ARID3C: variants seen among roughly 807,000 people sequenced by gnomAD.
ARID3C encodes the protein AT-rich interactive domain-containing protein 3C.
In ARID3C, 42 loss-of-function variants were observed where a neutral mutation model predicts 37.9. That is an observed-to-expected ratio of 1.11 (90% CI 0.87 to 1.43). The LOEUF (loss-of-function observed/expected upper bound fraction) is 1.43. Among genes scored for constraint, ARID3C ranks in the 40% most tolerant of loss-of-function variants. ARID3C has a pLI of 0.00. For missense variants in ARID3C, 581 were observed against 548.8 expected, an observed-to-expected ratio of 1.06 and a Z score of -0.59; for synonymous variants, 213 against 228.0, an observed-to-expected ratio of 0.93 and a Z score of 0.59.
upstream of ARID3C, among the ~76,000 whole-genome samples, chr9:34,631,273 C>T (rs1820721125): frequency 6.6e-6 from 1 of 152,156 alleles, no homozygotes; most frequent in South Asian, 2.1e-4. Context: ...GCAGTCACTC[C>T]CCCAGCTCCC....
At chr9:34,623,320 T>C in intron 4 of ARID3C, 105 bp downstream of exon 5, 1 of 1,347,300 alleles carries the variant, frequency 7.4e-7, no homozygotes, top group Non-Finnish European at 9.8e-7. Flanking sequence ...CTCCCATACC[T>C]CAATGCCTCC....
exon 1 of ARID3C, chr9:34,627,827 C>A: frequency 3.1e-6 from 5 of 1,611,748 alleles, no homozygotes; most frequent in East Asian, 2.2e-5. Flanking sequence ...GGCTTCCTCC[C>A]GCTTCTCCTC....
At chr9:34,626,530 G>A (rs760986138) in intron 1 of ARID3C, among the ~76,000 whole-genome samples, 4 of 152,116 alleles carry the variant, frequency 2.6e-5, no homozygotes, top group East Asian at 1.9e-4. Flanking sequence ...ATCAACTCCC[G>A]AATACTAGTC....
upstream of ARID3C, among the ~76,000 whole-genome samples, chr9:34,630,115 G>A (rs1211869763): frequency 1.3e-5 from 2 of 152,148 alleles, no homozygotes; most frequent in Non-Finnish European, 2.9e-5. Context: ...ATGAACCTCT[G>A]GTACTCATCA....
At chr9:34,631,958 A>C (rs1452811635), upstream of ARID3C, among the ~76,000 whole-genome samples, 1 of 152,194 alleles carries the variant, frequency 6.6e-6, no homozygotes, top group Non-Finnish European at 1.5e-5. Context: ...TCAACATGGC[A>C]GTTGGTTTCC....
chr9:34,621,535 G>A (rs773984068), exon 7 of ARID3C: 2 of 1,570,104 alleles, frequency 1.3e-6, no homozygotes, highest in Non-Finnish European at 8.6e-7. Flanking sequence ...GCTGGCACAG[G>A]CTGGCGGCGG....
intron 3 of ARID3C, 22 bp downstream of exon 4, chr9:34,623,842 C>A: frequency 6.7e-7 from 1 of 1,485,806 alleles, no homozygotes; most frequent in Non-Finnish European, 9.0e-7. Context: ...CCCTTCCCTT[C>A]CGCTCCCGCC....
chr9:34,622,552 T>C, intron 4 of ARID3C, 23 bp from the exon 6 acceptor site: 1 of 1,560,366 alleles, frequency 6.4e-7, no homozygotes, highest in African/African-American at 1.4e-5. Context: ...GTTATTCAGC[T>C]CCCCTGGCCA....
intron 1 of ARID3C, 116 bp from the exon 3 acceptor site, chr9:34,625,930 A>C: frequency 6.1e-6 from 7 of 1,154,138 alleles, no homozygotes; most frequent in South Asian, 1.4e-5. Flanking sequence ...GTAGGATCTC[A>C]ATGTGGACTC....
At chr9:34,626,301 C>A (rs1364336719) in intron 1 of ARID3C, among the ~76,000 whole-genome samples, 1 of 152,164 alleles carries the variant, frequency 6.6e-6, no homozygotes, top group African/African-American at 2.4e-5. Flanking sequence ...GCTCCTAACC[C>A]ACCCCTCAGG....
chr9:34,622,483 C>A, exon 5 of ARID3C: 1 of 1,612,688 alleles, frequency 6.2e-7, no homozygotes, highest in Non-Finnish European at 8.5e-7. Flanking sequence ...GTCCCAGTGC[C>A]AGGCCCACAG....
intron 1 of ARID3C, 64 bp downstream of exon 2, chr9:34,627,633 G>C: frequency 6.8e-7 from 1 of 1,472,260 alleles, no homozygotes; most frequent in East Asian, 2.3e-5. Context: ...TAATCACCTG[G>C]CTGTGCTTTT....
intron 2 of ARID3C, among the ~76,000 whole-genome samples, chr9:34,624,366 T>G (rs899582777): frequency 8.5e-5 from 13 of 152,218 alleles, no homozygotes; most frequent in Non-Finnish European, 1.6e-4. Flanking sequence ...GACTCTGAAA[T>G]TCGAATTTCA....
At chr9:34,622,400 G>T in exon 5 of ARID3C, 1 of 1,613,926 alleles carries the variant, frequency 6.2e-7, no homozygotes, top group Non-Finnish European at 8.5e-7. Context: ...GCAAGGTCGA[G>T]GTGGGTCCAT....
In ARID3C at chr9:34,623,406, T is replaced by A; in HGVS notation, c.865+19A>T. ...TAAACCTCAGAGACCCCGAAACCTC[T>A]ACCATTCTCCCCTCGCACCTTTCTT... On this transcript the variant is annotated intron_variant, in intron 4 of 6. Coordinates refer to ENST00000378909, the Ensembl canonical transcript of ARID3C. 2 of 1,486,294 alleles carry A rather than the reference T, an allele frequency of 1.3e-6. No individual in the cohort carries two copies. Among genetic ancestry groups the A allele is most frequent in the South Asian group, 2.9e-5 (2 of 69,600 alleles). 92.1% of individuals were successfully genotyped at this position (1,486,294 alleles called of 1,614,324 possible). A position where few individuals can be genotyped will look rare whatever the true frequency, so the allele number is the denominator to read the frequency against.
At chr9:34,624,152 G>A in intron 2 of ARID3C, 105 bp from the exon 4 acceptor site, 1 of 1,379,414 alleles carries the variant, frequency 7.2e-7, no homozygotes, top group Non-Finnish European at 9.6e-7. Flanking sequence ...CGGGAAAGAG[G>A]GAGACTTGGG....
chr9:34,622,380 TG>T lies in ARID3C; in HGVS notation c.1014del (p.Ser339ValfsTer10). On this transcript the variant is annotated frameshift_variant, in exon 5 of 7. Coordinates refer to ENST00000378909, the Ensembl canonical transcript of ARID3C. LOFTEE classifies it high-confidence loss of function. ...GGAACCTTGCCACGGGGCAGGAAAC[TG>T]GGGGGCATGCAAGGTCGAGGTGGGT... The T allele has an allele frequency of 3.1e-6, 5 of 1,612,604 alleles. No individual in the cohort carries two copies. Among genetic ancestry groups the T allele is most frequent in the African/African-American group, 1.3e-5 (1 of 74,918 alleles).
At chr9:34,630,838 C>A (rs1027901054), upstream of ARID3C, among the ~76,000 whole-genome samples, 4 of 152,188 alleles carry the variant, frequency 2.6e-5, no homozygotes, top group African/African-American at 9.7e-5. Flanking sequence ...AGATTTCAGA[C>A]CTCTGAGCCC....
chr9:34,622,938 G>A (rs1400459171), intron 4 of ARID3C, among the ~76,000 whole-genome samples: 1 of 151,996 alleles, frequency 6.6e-6, no homozygotes, highest in Non-Finnish European at 1.5e-5. Flanking sequence ...ACGTGGTCAG[G>A]AGATCGAGAC....
Sources: allele counts gnomAD v4.1 joint callset (sites outside exome capture counted in the v4.1 genomes callset), GRCh38; gene constraint gnomAD v4.1.1; transcripts MANE v1.5; gene names NCBI Gene and HGNC (gene_info 2026-07-23, HGNC 2026-07-21).